The following PCDHGC3 variants were observed in gnomAD, a reference collection of about 807,000 sequenced individuals.
PCDHGC3 encodes protocadherin gamma subfamily C, 3, also known as protocadherin gamma-C3.
In PCDHGC3, 26 loss-of-function variants were observed where a neutral mutation model predicts 59.2. The ratio of observed to expected loss-of-function variants is 0.44; its 90% CI spans 0.32 to 0.61. The LOEUF is 0.61. PCDHGC3 is among the 20% of genes least tolerant of loss of function. The pLI is 0.05. For synonymous variants in PCDHGC3, 487 were observed against 519.7 expected, an observed-to-expected ratio of 0.94 and a Z score of 0.86; for missense variants, 1,080 against 1,221.8, an observed-to-expected ratio of 0.88 and a Z score of 1.73.
chr5:141,477,312 T>G lies in PCDHGC3; in HGVS notation c.1196T>G (p.Leu399Arg). The change falls in exon 1 of 4, where the codon CTT becomes CGT. Residue 399 changes from leucine to arginine, a missense_variant. Leu to Arg is a moderately radical substitution (Grantham distance 102). Coordinates refer to ENST00000308177, the MANE Select transcript of PCDHGC3 (RefSeq NM_002588.4). This position sits in a 1 kb window ranked among gnomAD's most constrained non-coding sequence, Gnocchi z 4.9. The part of the protein sequence containing the change: ...CEVPPGLPFS[L>R]TSSLKNYFTL... ...GTTCCACCGGGTCTCCCTTTCAGCC[T>G]TACTTCTTCCCTCAAGAATTACTTC... The G allele has an allele frequency of 1.2e-6, 2 of 1,614,162 alleles. No individual in the cohort carries two copies. The highest frequency in any genetic ancestry group is 1.7e-6 in the Non-Finnish European group (2 of 1,180,032).
chr5:141,487,421 C>G lies in PCDHGC3; in HGVS notation c.2431-7386C>G. On this transcript the variant is annotated intron_variant, in intron 1 of 3. Transcript: ENST00000308177. This position sits in a 1 kb window ranked among gnomAD's most constrained non-coding sequence, Gnocchi z 5.0. ...GGGGCTTCCCCCTTCCAATGGGATC[C>G]TCCGAATCCAGCTAGGGTCAGATGA... 1 of 1,614,144 alleles carries G rather than the reference C, an allele frequency of 6.2e-7. No individual in the cohort carries two copies. The highest frequency in any genetic ancestry group is 8.5e-7 in the Non-Finnish European group (1 of 1,180,022).
In PCDHGC3 at chr5:141,487,829, C is replaced by T. The variant is rs528435429; in HGVS notation, c.2431-6978C>T. On this transcript the variant is annotated intron_variant, in intron 1 of 3. Transcript: ENST00000308177. The surrounding 1 kb of genome is among the most constrained non-coding windows in gnomAD (Gnocchi z 5.0). ...GTTTAGCATTGGGGGCGGGTCATGC[C>T]TATATCTGAGTAAGAAATGAAAGTA... The T allele has an allele frequency of 1.1e-4, 125 of 1,182,994 alleles. No homozygotes were observed. In the Middle Eastern group the frequency reaches 3.7e-3, roughly 35 times the overall value. 73.3% of individuals were successfully genotyped at this position (1,182,994 alleles called of 1,614,324 possible).
At position 141,478,283 on chromosome 5, in the gene PCDHGC3, T is replaced by C. The variant is rs755297808; in HGVS notation, c.2167T>C (p.Ser723Pro). ...ATTCAAAGTTTACAAGTGGAAGCAGTCTAGAGACCTATACCGAGCCCCGGT... is the reference window on the plus strand; with the variant it reads ...ATTCAAAGTTTACAAGTGGAAGCAGCCTAGAGACCTATACCGAGCCCCGGT... ...IIFKVYKWKQ[S>P]RDLYRAPVSS... The change falls in exon 1 of 4, where the codon TCT (serine) becomes CCT (proline). Residue 723 changes from serine to proline, a missense_variant. Ser to Pro is a moderately conservative substitution (Grantham distance 74). Coordinates refer to ENST00000308177, the MANE Select transcript of PCDHGC3 (RefSeq NM_002588.4). 2 of 1,614,148 alleles carry C rather than the reference T, an allele frequency of 1.2e-6. No individual in the cohort carries two copies. Among genetic ancestry groups the C allele is most frequent in the South Asian group, 2.2e-5 (2 of 91,090 alleles).
chr5:141,489,775 T>C lies in PCDHGC3; in HGVS notation c.2431-5032T>C, dbSNP rs748163008. The C allele has an allele frequency of 6.2e-7, 1 of 1,614,110 alleles. No homozygotes were observed. The highest frequency in any genetic ancestry group is 8.5e-7 in the Non-Finnish European group (1 of 1,179,986). Reference sequence around the variant, plus strand: ...CACTCTAAGCCCCAACAGCCACTTCTCTCTGAATGTGAAGACCCTAAAAGA... The same window carrying C: ...CACTCTAAGCCCCAACAGCCACTTCCCTCTGAATGTGAAGACCCTAAAAGA... On this transcript the variant is annotated intron_variant, in intron 1 of 3. Coordinates refer to ENST00000308177, the MANE Select transcript of PCDHGC3 (RefSeq NM_002588.4). This position sits in a 1 kb window ranked among gnomAD's most constrained non-coding sequence, Gnocchi z 4.5.
In PCDHGC3 at chr5:141,491,803, C is replaced by T. The variant is rs2099730932; in HGVS notation, c.2431-3004C>T. ...CTTGCATCCACTCCTCTCCGGCCGG[C>T]TTGGTCGCTGGCTGCGCTCCACCCG... On this transcript the variant is annotated intron_variant, in intron 1 of 3. Transcript: ENST00000308177. This position sits in a 1 kb window ranked among gnomAD's most constrained non-coding sequence, Gnocchi z 6.9. 1 of 1,497,820 alleles carries T rather than the reference C, an allele frequency of 6.7e-7. No individual in the cohort carries two copies. Among genetic ancestry groups the T allele is most frequent in the Non-Finnish European group, 8.9e-7 (1 of 1,124,124 alleles). 92.8% of individuals were successfully genotyped at this position (1,497,820 alleles called of 1,614,324 possible).
chr5:141,486,522 A>G lies in PCDHGC3; in HGVS notation c.2430+7976A>G. 1 of 1,614,174 alleles carries G rather than the reference A, an allele frequency of 6.2e-7. No homozygotes were observed. Among genetic ancestry groups the G allele is most frequent in the Non-Finnish European group, 8.5e-7 (1 of 1,180,024 alleles). On this transcript the variant is annotated intron_variant, in intron 1 of 3. Transcript: ENST00000308177. The surrounding 1 kb of genome is among the most constrained non-coding windows in gnomAD (Gnocchi z 5.0). The stretch of plus-strand genomic sequence containing the variant: ...TTCCTCAATATTTCAGATGTGAATG[A>G]TAATCCACCCTCTTTCTTTCAGAGG...
chr5:141,501,530 G>T (rs556760554), intron 2 of PCDHGC3, among the ~76,000 whole-genome samples: 1 of 151,998 alleles, frequency 6.6e-6, no homozygotes, highest in East Asian at 1.9e-4. Flanking sequence ...AGCCCAGTAC[G>T]TTGTTGTGCA....
intron 3 of PCDHGC3, among the ~76,000 whole-genome samples, chr5:141,509,164 C>A (rs1454864362): frequency 6.6e-6 from 1 of 152,188 alleles, no homozygotes; most frequent in Non-Finnish European, 1.5e-5. Context: ...TCCCGTGTGC[C>A]CTCCTCCTCT....
rs764598056 is a variant in PCDHGC3 at position 141,478,160 on chromosome 5, GC to G, written c.2050del (p.Arg684GlyfsTer15). Reference protein sequence around the residue: ...EARAEFPSGSAPREQKKNLTF... With the variant: ...EARAEFPSGSXPREQKKNLTF... ...CCGAGCCGAGTTCCCCTCTGGCTCT[GC>G]CCCCCGGGAGCAGAAAAAAAATCTC... On this transcript the variant is annotated frameshift_variant, in exon 1 of 4. Transcript: ENST00000308177. LOFTEE classifies it high-confidence loss of function. The G allele has an allele frequency of 1.9e-6, 3 of 1,613,964 alleles. No homozygotes were observed. Among genetic ancestry groups the G allele is most frequent in the Non-Finnish European group, 2.5e-6 (3 of 1,180,024 alleles).
rs1177173734 is a variant in PCDHGC3, at chr5:141,491,741, G to T, written c.2431-3066G>T. 1.3e-6 allele frequency: 2 copies of T among 1,595,762 alleles called. No individual in the cohort carries two copies. On this transcript the variant is annotated intron_variant, in intron 1 of 3. Transcript: ENST00000308177. This position sits in a 1 kb window ranked among gnomAD's most constrained non-coding sequence, Gnocchi z 6.9. ...CCGCCCCGGGCGACCCCTGGGGGCG[G>T]CACTGGAGAAGCCGCCCGTCCTCAT... is the stretch of plus-strand genomic sequence containing the variant.
Position 141,490,157 on chromosome 5 carries a change from G to T in PCDHGC3, c.2431-4650G>T. 1 of 1,614,210 alleles carries T rather than the reference G, an allele frequency of 6.2e-7. No homozygotes were observed. The highest frequency in any genetic ancestry group is 8.5e-7 in the Non-Finnish European group (1 of 1,180,038). On this transcript the variant is annotated intron_variant, in intron 1 of 3. Transcript: ENST00000308177. This position sits in a 1 kb window ranked among gnomAD's most constrained non-coding sequence, Gnocchi z 5.4. ...AGCAGTGGGGCAATCCATGTGTTGGGTCCCATAGACTTTGAGGAGTCACGT... is the reference window on the plus strand; with the variant it reads ...AGCAGTGGGGCAATCCATGTGTTGGTTCCCATAGACTTTGAGGAGTCACGT...
chr5:141,490,279 G>A lies in PCDHGC3; in HGVS notation c.2431-4528G>A, dbSNP rs1344083401. The A allele has an allele frequency of 5.6e-6, 9 of 1,614,228 alleles. No individual in the cohort carries two copies. In the East Asian group the frequency reaches 1.8e-4, roughly 32 times the overall value. On this transcript the variant is annotated intron_variant, in intron 1 of 3. Coordinates refer to ENST00000308177, the MANE Select transcript of PCDHGC3 (RefSeq NM_002588.4). This position sits in a 1 kb window ranked among gnomAD's most constrained non-coding sequence, Gnocchi z 5.4. ...GGATGTGGGGGATGTCAATGACAAT[G>A]CCCCAGAGGTGCTATTGGCCTCTTT...
intron 1 of PCDHGC3, among the ~76,000 whole-genome samples, chr5:141,482,757 T>G: frequency 7.9e-6 from 1 of 127,194 alleles, no homozygotes; most frequent in Admixed American, 7.7e-5. Flanking sequence ...GATTATGGTA[T>G]TTCATTATCA....
chr5:141,506,471 C>T (rs2099854191), intron 3 of PCDHGC3, among the ~76,000 whole-genome samples: 2 of 148,834 alleles, frequency 1.3e-5, no homozygotes, highest in African/African-American at 5.0e-5. Flanking sequence ...AAAAAGAGCA[C>T]AGGCTTTAGA....
Position 141,486,734 on chromosome 5 carries a change from C to A in PCDHGC3, c.2431-8073C>A. ...CCAGACAGGAGCTGTTCATGCTACT[C>A]GATCCTTTGACTATGAGCAAACCCA... On this transcript the variant is annotated intron_variant, in intron 1 of 3. Transcript: ENST00000308177. The surrounding 1 kb of genome is among the most constrained non-coding windows in gnomAD (Gnocchi z 5.0). The A allele has an allele frequency of 1.2e-6, 2 of 1,614,188 alleles. No homozygotes were observed. Among genetic ancestry groups the A allele is most frequent in the Non-Finnish European group, 1.7e-6 (2 of 1,180,040 alleles).
In PCDHGC3 at chr5:141,487,169, G is replaced by A. The variant is rs1259980100; in HGVS notation, c.2431-7638G>A. On this transcript the variant is annotated intron_variant, in intron 1 of 3. Coordinates refer to ENST00000308177, the MANE Select transcript of PCDHGC3 (RefSeq NM_002588.4). The surrounding 1 kb of genome is among the most constrained non-coding windows in gnomAD (Gnocchi z 5.0). ...CTCTGTTACTCTCTTAGTGTCCTTA[G>A]AGGAAGACACTCATCCAGTTGTCCC... 6.2e-7 allele frequency: 1 copy of A among 1,613,086 alleles called. No homozygotes were observed. Among genetic ancestry groups the A allele is most frequent in the South Asian group, 1.1e-5 (1 of 91,072 alleles).
rs1212478322 is a variant in PCDHGC3 at position 141,485,871 on chromosome 5, T to G, written c.2430+7325T>G. ...ACCGCAGAGCTCCGGGTATCCGTGC[T>G]GGACGTAAACGACAACGCCCCAGCC... On this transcript the variant is annotated intron_variant, in intron 1 of 3. Coordinates refer to ENST00000308177, the MANE Select transcript of PCDHGC3 (RefSeq NM_002588.4). The surrounding 1 kb of genome is among the most constrained non-coding windows in gnomAD (Gnocchi z 5.7). 6.2e-7 allele frequency: 1 copy of G among 1,614,196 alleles called. No homozygotes were observed. The highest frequency in any genetic ancestry group is 8.5e-7 in the Non-Finnish European group (1 of 1,180,032).
rs2099661624 is a variant in PCDHGC3, at chr5:141,487,712, G to A, written c.2431-7095G>A. The stretch of plus-strand genomic sequence containing the variant: ...AGAGAGTACTGGCCTCTCAGTAAGT[G>A]CCCATAGTGATGTCACCATTTTTGT... On this transcript the variant is annotated intron_variant, in intron 1 of 3. Coordinates refer to ENST00000308177, the MANE Select transcript of PCDHGC3 (RefSeq NM_002588.4). The surrounding 1 kb of genome is among the most constrained non-coding windows in gnomAD (Gnocchi z 5.0). The A allele has an allele frequency of 5.0e-6, 8 of 1,585,892 alleles. No individual in the cohort carries two copies. The highest frequency in any genetic ancestry group is 1.1e-5 in the South Asian group (1 of 87,950).
intron 2 of PCDHGC3, among the ~76,000 whole-genome samples, chr5:141,500,739 C>T (rs1199462920): frequency 6.6e-6 from 1 of 152,114 alleles, no homozygotes; most frequent in Non-Finnish European, 1.5e-5. Context: ...CAAAATTCTT[C>T]CCAAGTCATT....
Sources: gnomAD v4.1 joint callset for allele counts (sites outside exome capture counted in the v4.1 genomes callset) on GRCh38, gnomAD v4.1.1 for gene constraint, Gnocchi (gnomAD v3.1) non-coding constraint, MANE v1.5 for transcripts, NCBI Gene and HGNC (gene_info 2026-07-23, HGNC 2026-07-21) for gene names.